The following HS6ST3 variants were observed in gnomAD, a reference collection of about 807,000 sequenced individuals.
HS6ST3 encodes heparan sulfate 6-O-sulfotransferase 3.
HS6ST3 carries 12 observed loss-of-function variants against 36.7 expected under a neutral mutation model. The ratio of observed to expected loss-of-function variants is 0.33; its 90% confidence interval spans 0.21 to 0.53. HS6ST3 has a LOEUF of 0.53. Among genes scored for constraint, HS6ST3 ranks in the 20% least tolerant of loss-of-function variants. The pLI, the probability that HS6ST3 is intolerant of heterozygous loss-of-function variation, is 0.95. For missense variants in HS6ST3, 584 were observed against 640.9 expected, an observed-to-expected ratio of 0.91 and a Z score of 0.96; for synonymous variants, 240 against 257.5, an observed-to-expected ratio of 0.93 and a Z score of 0.65.
intron 1 of HS6ST3, among the ~76,000 whole-genome samples, chr13:96,400,184 C>CACACAG (rs1226216105): frequency 6.6e-6 from 1 of 150,834 alleles, no homozygotes; most frequent in East Asian, 1.9e-4. Context: ...CACACACACA[C>CACACAG]AGACACATAT....
intron 1 of HS6ST3, among the ~76,000 whole-genome samples, chr13:96,228,498 T>G (rs2139366259): frequency 6.6e-6 from 1 of 152,284 alleles, no homozygotes; most frequent in East Asian, 1.9e-4. Context: ...ACTCCTGATC[T>G]CAAGTGATCC....
rs34853293 is a variant in HS6ST3, at chr13:96,572,605, C to CT, written c.708-259872dup. 6.7e-4 allele frequency among the ~76,000 whole-genome samples: 96 copies of CT among 143,906 alleles called. 1 individual carries two copies. The highest frequency in any genetic ancestry group is 3.5e-3 in the Middle Eastern group (1 of 286). The allele number at this position is 143,906 out of a possible 152,430, so 94.4% of individuals were successfully genotyped here. ...TTCTTCAAAAGTATTTTATTGTGGA[C>CT]TTTTTTTTTTTTTGCCAATTCACTT... On this transcript the variant is annotated intron_variant, in intron 1 of 1. Transcript: ENST00000376705.
chr13:96,403,061 C>T (rs921658204), intron 1 of HS6ST3, among the ~76,000 whole-genome samples: 4 of 152,118 alleles, frequency 2.6e-5, no homozygotes, highest in Admixed American at 6.5e-5. Flanking sequence ...CCCTGATCCC[C>T]GTCTTTGTAA....
At chr13:96,318,153 G>C (rs1460173588) in intron 1 of HS6ST3, among the ~76,000 whole-genome samples, 1 of 152,074 alleles carries the variant, frequency 6.6e-6, no homozygotes, top group East Asian at 1.9e-4. Flanking sequence ...GTATTTCCTA[G>C]GTTTTCTTCT....
chr13:96,816,083 C>T (rs528546578), intron 1 of HS6ST3, among the ~76,000 whole-genome samples: 4 of 152,168 alleles, frequency 2.6e-5, no homozygotes, highest in Non-Finnish European at 5.9e-5. Context: ...AGGAAGGCCT[C>T]ACATATCCTG....
chr13:96,661,244 C>T (rs2056645328), intron 1 of HS6ST3, among the ~76,000 whole-genome samples: 1 of 152,092 alleles, frequency 6.6e-6, no homozygotes, highest in South Asian at 2.1e-4. Context: ...GTGTTGAAGT[C>T]CCCCACCATT....
chr13:96,717,919 T>A (rs1875743856), intron 1 of HS6ST3, among the ~76,000 whole-genome samples: 1 of 152,200 alleles, frequency 6.6e-6, no homozygotes, highest in Admixed American at 6.6e-5. Context: ...CTCAGAGATG[T>A]GATATCCCAG....
rs140028470 is a variant in HS6ST3 at position 96,176,084 on chromosome 13, C to T, written c.707+84515C>T. Among the ~76,000 whole-genome samples, 653 of 152,262 alleles carry T rather than the reference C, an allele frequency of 4.3e-3. 2 individuals carry two copies. The highest frequency in any genetic ancestry group is 0.014 in the South Asian group (66 of 4,826). ...CCTCAGGTGATCCACCTGCCTCCGC[C>T]TCTCAAGGTGCTGGGATTACAGGAG... On this transcript the variant is annotated intron_variant, in intron 1 of 1. Coordinates refer to ENST00000376705, the MANE Select transcript of HS6ST3 (RefSeq NM_153456.4).
intron 1 of HS6ST3, among the ~76,000 whole-genome samples, chr13:96,389,854 C>T (rs769088288): frequency 3.3e-5 from 5 of 152,026 alleles, no homozygotes; most frequent in Non-Finnish European, 5.9e-5. Context: ...TATCCTAGGC[C>T]GTTGCTTTTT....
At chr13:96,400,308 TACACACACACAC>T (rs10603063) in intron 1 of HS6ST3, among the ~76,000 whole-genome samples, 2,637 of 142,544 alleles carry the variant, frequency 0.018, 79 homozygotes, top group African/African-American at 0.065. Context: ...GACACACAGA[TACACACACACAC>T]ACACACACAC....
In HS6ST3 at chr13:96,358,918, AGAG is replaced by A. The variant is rs1566336829; in HGVS notation, c.707+267350_707+267352del. On this transcript the variant is annotated intron_variant, in intron 1 of 1. Coordinates refer to ENST00000376705, the MANE Select transcript of HS6ST3 (RefSeq NM_153456.4). ...TATCTATCTATCTATCTATCTATCT[AGAG>A]AGAGATGACACAGAGAGCAAATGTG... Among the ~76,000 whole-genome samples the A allele has an allele frequency of 6.1e-4, 92 of 151,382 alleles. 1 individual carries two copies. Among genetic ancestry groups the A allele is most frequent in the African/African-American group, 1.9e-3 (78 of 40,946 alleles).
chr13:96,714,908 T>C lies in HS6ST3; in HGVS notation c.708-117582T>C, dbSNP rs554184246. On this transcript the variant is annotated intron_variant, in intron 1 of 1. Coordinates refer to ENST00000376705, the MANE Select transcript of HS6ST3 (RefSeq NM_153456.4). ...TTGTTGTAGAGACAGGGTCTTGCTATTTTGCCCAGGCTGGTCTTAAACTCC... is the reference window on the plus strand; with the variant it reads ...TTGTTGTAGAGACAGGGTCTTGCTACTTTGCCCAGGCTGGTCTTAAACTCC... Among the ~76,000 whole-genome samples, 10 of 152,140 alleles carry C rather than the reference T, an allele frequency of 6.6e-5. 1 individual carries two copies. In the South Asian group the frequency reaches 2.1e-3, roughly 32 times the overall value.
chr13:96,496,300 C>G (rs1226060309), intron 1 of HS6ST3, among the ~76,000 whole-genome samples: 1 of 152,158 alleles, frequency 6.6e-6, no homozygotes, highest in Non-Finnish European at 1.5e-5. Context: ...AGAAAATATT[C>G]TGTGGAACTC....
Position 96,221,869 on chromosome 13 carries a change from T to G in HS6ST3, c.707+130300T>G, listed in dbSNP as rs540712214. On this transcript the variant is annotated intron_variant, in intron 1 of 1. Transcript: ENST00000376705. ...GCCTTACATTAGGTCATTTGTCACT[T>G]TAGCATGGATGACTGAAAAATATTA... is the stretch of plus-strand genomic sequence containing the variant. Among the ~76,000 whole-genome samples, 4 of 152,366 alleles carry G rather than the reference T, an allele frequency of 2.6e-5. No homozygotes were observed. In the South Asian group the frequency reaches 8.3e-4, roughly 32 times the overall value.
chr13:96,339,273 TTGTC>T (rs2055118171), intron 1 of HS6ST3, among the ~76,000 whole-genome samples: 1 of 152,194 alleles, frequency 6.6e-6, no homozygotes, highest in Admixed American at 6.5e-5. Flanking sequence ...CAAACCCTCT[TTGTC>T]TGGAGCCTAA....
intron 1 of HS6ST3, among the ~76,000 whole-genome samples, chr13:96,727,674 T>G (rs1876040518): frequency 6.6e-6 from 1 of 152,210 alleles, no homozygotes; most frequent in Non-Finnish European, 1.5e-5. Context: ...TAATCTGTTC[T>G]TTGTCTCCTT....
chr13:96,479,683 TATTAG>T (rs2055881139), intron 1 of HS6ST3, among the ~76,000 whole-genome samples: 1 of 152,290 alleles, frequency 6.6e-6, no homozygotes, highest in African/African-American at 2.4e-5. Flanking sequence ...AAGCAGATGG[TATTAG>T]ATTAAACTAA....
At chr13:96,432,842 C>G (rs1939789643) in intron 1 of HS6ST3, among the ~76,000 whole-genome samples, 1 of 152,156 alleles carries the variant, frequency 6.6e-6, no homozygotes, top group Non-Finnish European at 1.5e-5. Flanking sequence ...GCTTGACATT[C>G]TAAATGAGCT....
At chr13:96,699,762 T>C in intron 1 of HS6ST3, among the ~76,000 whole-genome samples, 1 of 152,114 alleles carries the variant, frequency 6.6e-6, no homozygotes, top group Non-Finnish European at 1.5e-5. Flanking sequence ...CAAAGGATTA[T>C]AAAACATGCT....
Sources: allele counts gnomAD v4.1 joint callset (sites outside exome capture counted in the v4.1 genomes callset), GRCh38; gene constraint gnomAD v4.1.1; transcripts MANE v1.5; gene names NCBI Gene and HGNC (gene_info 2026-07-23, HGNC 2026-07-21).